CHD2: variants seen among roughly 807,000 people sequenced by gnomAD.
CHD2 encodes the protein chromodomain helicase DNA binding protein 2.
Under a neutral mutation model 243.9 loss-of-function variants are expected in CHD2, and 28 were observed. The ratio of observed to expected loss-of-function variants is 0.11; its 90% CI spans 0.09 to 0.16. The LOEUF is 0.16. Ranked by LOEUF, CHD2 falls within the 10% of genes least tolerant of loss-of-function variation. CHD2 has a pLI of 1.00. For synonymous variants in CHD2, 775 were observed against 779.0 expected (o/e 0.99, Z 0.09); for missense variants, 1,386 against 2,209.8 (o/e 0.63, Z 7.47).
At chr15:92,921,185 A>AT (rs1320452230) in intron 2 of CHD2, among the ~76,000 whole-genome samples, 1 of 152,122 alleles carries the variant, frequency 6.6e-6, no homozygotes, top group African/African-American at 2.4e-5. Context: ...GTTTTCTGGG[A>AT]GAAGGTGATA....
chr15:92,973,857 T>A (rs1007210663), intron 19 of CHD2: 1 of 152,208 alleles, frequency 6.6e-6, no homozygotes, highest in Admixed American at 6.5e-5. Context: ...GTTTTCTGAT[T>A]TCAAGTAAAG....
intron 38 of CHD2, chr15:93,021,496 C>T (rs1157727595): frequency 6.6e-6 from 1 of 152,196 alleles, no homozygotes; most frequent in Non-Finnish European, 1.5e-5. Flanking sequence ...CTCATTACAC[C>T]TATATTAGCT....
At chr15:93,011,463 T>G (rs1055325700) in intron 35 of CHD2, among the ~76,000 whole-genome samples, 6 of 152,098 alleles carry the variant, frequency 3.9e-5, no homozygotes, top group African/African-American at 1.4e-4. Context: ...CTGGGTGGTG[T>G]TCAGGATTTA....
At chr15:93,003,608 G>C (rs987254456) in intron 33 of CHD2, among the ~76,000 whole-genome samples, 2 of 150,434 alleles carry the variant, frequency 1.3e-5, no homozygotes, top group African/African-American at 4.9e-5. Flanking sequence ...GGCCAGGCGG[G>C]GGGAGACGCT....
chr15:92,900,555 A>T lies in CHD2; in HGVS notation c.-341A>T. On this transcript the variant is annotated 5_prime_UTR_variant, in exon 1 of 39. Transcript: ENST00000394196. ...TGCCTTGTTGGAAAGAAGCAGCCGT[A>T]CTGAGAGCCCAGGTCGTTGTTTTTT... is the stretch of plus-strand genomic sequence containing the variant. The T allele has an allele frequency of 2.5e-6, 1 of 398,672 alleles. No individual in the cohort carries two copies. Among genetic ancestry groups the T allele is most frequent in the Non-Finnish European group, 4.4e-6 (1 of 226,060 alleles). 24.7% of individuals were successfully genotyped at this position (398,672 alleles called of 1,614,324 possible). A position where few individuals can be genotyped will look rare whatever the true frequency, so the allele number is the denominator to read the frequency against.
chr15:92,984,632 A>G (rs1567152328), intron 25 of CHD2, 132 bp downstream of exon 25: 3 of 746,644 alleles, frequency 4.0e-6, no homozygotes, highest in East Asian at 3.3e-5. Context: ...TTGATACTGT[A>G]GGAAACTTAA....
At chr15:92,918,340 T>G (rs2052882836) in intron 2 of CHD2, among the ~76,000 whole-genome samples, 1 of 152,048 alleles carries the variant, frequency 6.6e-6, no homozygotes, top group Non-Finnish European at 1.5e-5. Context: ...ATTCCCAGTT[T>G]TGACTTGTTT....
chr15:92,907,958 C>T (rs1399200057), intron 2 of CHD2, among the ~76,000 whole-genome samples: 1 of 149,228 alleles, frequency 6.7e-6, no homozygotes, highest in Non-Finnish European at 1.5e-5. Context: ...GGCAAGTCCT[C>T]ATTTAGTCAG....
intron 34 of CHD2, among the ~76,000 whole-genome samples, chr15:93,006,439 T>C (rs978885016): frequency 2.0e-5 from 3 of 152,152 alleles, no homozygotes; most frequent in Non-Finnish European, 4.4e-5. Flanking sequence ...CTCTCTCTCT[T>C]ACCTCCCAGA....
intron 9 of CHD2, chr15:92,943,438 C>T (rs2053413944): frequency 4.4e-6 from 1 of 226,540 alleles, no homozygotes; most frequent in African/African-American, 2.3e-5. Flanking sequence ...AGAGCTTATT[C>T]TCTTAAGCAC....
At chr15:92,993,523 T>G (rs1295585614) in intron 28 of CHD2, among the ~76,000 whole-genome samples, 1 of 152,242 alleles carries the variant, frequency 6.6e-6, no homozygotes, top group East Asian at 1.9e-4. Context: ...TGTTTTCTCT[T>G]TGATACCAGA....
intron 7 of CHD2, 32 bp from the exon 8 acceptor site, chr15:92,941,790 T>G: frequency 1.2e-6 from 2 of 1,606,742 alleles, no homozygotes. Context: ...AAGAGATCAT[T>G]TCTCATTTAT....
intron 1 of CHD2, 106 bp downstream of exon 1, chr15:92,900,930 ATTGTTAT>A (rs982451819): frequency 2.3e-6 from 1 of 428,078 alleles, no homozygotes; most frequent in Non-Finnish European, 4.1e-6. Context: ...AGATACAGAG[ATTGTTAT>A]TTGTATCTAG....
chr15:92,939,046 T>C (rs1438162944), intron 6 of CHD2, among the ~76,000 whole-genome samples: 2 of 114,676 alleles, frequency 1.7e-5, no homozygotes, highest in African/African-American at 2.7e-5. Flanking sequence ...TACAAAAAAC[T>C]CTTTTTTTTT....
rs1596452047 is a variant in CHD2 at position 93,004,634 on chromosome 15, C to G, written c.4296C>G (p.Ala1432=). Residue 1432 remains alanine, a synonymous_variant, in exon 34 of 39, where the codon GCC becomes GCG. Coordinates refer to ENST00000394196, the MANE Select transcript of CHD2 (RefSeq NM_001271.4). ...TTTAAAAGCCTAAAAGTGGTGATGC[C>G]AAATCTTCGAGTAAATCAAAGCGAT... is the stretch of plus-strand genomic sequence containing the variant. ...DKKEKPKSGD[A]KSSSKSKRSQ... 2 of 1,611,596 alleles carry G rather than the reference C, an allele frequency of 1.2e-6. No homozygotes were observed. The highest frequency in any genetic ancestry group is 3.3e-5 in the Admixed American group (2 of 59,784).
intron 16 of CHD2, among the ~76,000 whole-genome samples, chr15:92,964,737 C>G (rs1245072994): frequency 6.6e-6 from 1 of 152,098 alleles, no homozygotes; most frequent in Non-Finnish European, 1.5e-5. Context: ...AAGCATGGAA[C>G]TTGGTATTAA....
intron 17 of CHD2, among the ~76,000 whole-genome samples, chr15:92,970,241 GC>G (rs1307595525): frequency 2.0e-5 from 3 of 151,140 alleles, no homozygotes; most frequent in Admixed American, 6.6e-5. Flanking sequence ...CGCTCTTGTT[GC>G]CCAGGCTGGA....
At chr15:93,009,642 A>T (rs1320671342) in intron 35 of CHD2, among the ~76,000 whole-genome samples, 2 of 152,216 alleles carry the variant, frequency 1.3e-5, no homozygotes, top group African/African-American at 4.8e-5. Flanking sequence ...GGTCTTAACT[A>T]CTTTACCCAT....
intron 13 of CHD2, 83 bp downstream of exon 13, chr15:92,949,159 T>G: frequency 6.3e-7 from 1 of 1,575,470 alleles, no homozygotes; most frequent in Non-Finnish European, 8.5e-7. Flanking sequence ...TTTTTTCTTT[T>G]TTCACACCCT....
Sources: gnomAD v4.1 joint callset for allele counts (sites outside exome capture counted in the v4.1 genomes callset) on GRCh38, gnomAD v4.1.1 for gene constraint, MANE v1.5 for transcripts, NCBI Gene and HGNC (gene_info 2026-07-23, HGNC 2026-07-21) for gene names.